Variants in DST observed in about 807,000 individuals in gnomAD.
DST encodes bullous pemphigoid antigen.
A neutral mutation model predicts 875.2 loss-of-function variants in DST; 253 were observed. That is an observed-to-expected ratio of 0.29 (90% CI 0.26 to 0.32). DST has a LOEUF of 0.32. Among genes scored for constraint, DST ranks in the 10% least tolerant of loss-of-function variants. The probability of loss-of-function intolerance (pLI) is 1.00; values close to 1 mark genes in which losing one functional copy is unlikely to be tolerated. For synonymous variants in DST, 3,124 were observed against 3,197.1 expected, an observed-to-expected ratio of 0.98 and a Z score of 0.77; for missense variants, 8,287 against 9,111.6, an observed-to-expected ratio of 0.91 and a Z score of 3.68.
At chr6:56,635,786 T>C (rs937997868) in intron 23 of DST, 72 bp from the exon 24 acceptor site, 2 of 1,526,258 alleles carry the variant, frequency 1.3e-6, no homozygotes, top group Non-Finnish European at 9.0e-7. Context: ...CACACTCCAA[T>C]ACCAAGGTCC....
intron 2 of DST, among the ~76,000 whole-genome samples, chr6:56,936,068 T>C (rs1812865892): frequency 1.3e-5 from 2 of 152,234 alleles, no homozygotes; most frequent in African/African-American, 4.8e-5. Context: ...CTTCAGTATT[T>C]CATGAGTTAT....
At chr6:56,528,151 T>C (rs2096834046) in intron 67 of DST, among the ~76,000 whole-genome samples, 1 of 152,220 alleles carries the variant, frequency 6.6e-6, no homozygotes, top group Non-Finnish European at 1.5e-5. Flanking sequence ...ATCTGCACTA[T>C]TCCAACAGAT....
At chr6:56,617,266 T>C in intron 36 of DST, 1 of 1,612,774 alleles carries the variant, frequency 6.2e-7, no homozygotes, top group South Asian at 1.1e-5. Flanking sequence ...AGGTCTCTGG[T>C]TCTAAGCCCT....
chr6:56,640,102 A>T, intron 18 of DST, 41 bp downstream of exon 18: 1 of 1,613,676 alleles, frequency 6.2e-7, no homozygotes, highest in Non-Finnish European at 8.5e-7. Flanking sequence ...ATTGATAACA[A>T]TAAAGACTGA....
rs945761697 is a variant in DST at position 56,492,290 on chromosome 6, T to C, written c.20694A>G (p.Lys6898=). 6.2e-7 allele frequency: 1 copy of C among 1,613,802 alleles called. No homozygotes were observed. The highest frequency in any genetic ancestry group is 1.7e-5 in the Admixed American group (1 of 60,014). ...LLISVQSRWE[K]VVQRLVERGR... ...CTCTCTCTACCAACCGTTGAACCAC[T>C]TTTTCCCATCGACTTTGTACACTGA... Residue 6898 remains lysine, a synonymous_variant, in exon 85 of 104, where the codon AAA becomes AAG. Coordinates refer to ENST00000680361, the MANE Select transcript of DST (RefSeq NM_001374736.1).
chr6:56,637,984 T>A (rs1474190087), intron 22 of DST, among the ~76,000 whole-genome samples: 2 of 152,144 alleles, frequency 1.3e-5, no homozygotes, highest in Non-Finnish European at 2.9e-5. Context: ...TTTTTTCATA[T>A]AAAATATGAA....
intron 4 of DST, among the ~76,000 whole-genome samples, chr6:56,791,015 A>G (rs2099721301): frequency 6.6e-6 from 1 of 152,238 alleles, no homozygotes; most frequent in South Asian, 2.1e-4. Flanking sequence ...GCAGAGACAC[A>G]TGGAATGAGA....
In DST at chr6:56,604,617, G is replaced by T. The variant is rs764376074; in HGVS notation, c.10011C>A (p.Ser3337=). ...CAGGAATCTGAACCTCCTTTTCTTG[G>T]GATCTTGGAGACAAGGCTTGTTCTT... ...LPKEQALSPR[S]QEKEVQIPEL... The change falls in exon 40 of 104, where the codon TCC becomes TCA. Residue 3337 remains serine (S), a synonymous_variant. Coordinates refer to ENST00000680361, the MANE Select transcript of DST (RefSeq NM_001374736.1). The T allele has an allele frequency of 3.1e-6, 5 of 1,611,778 alleles. No homozygotes were observed. The African/African-American group carries it at 6.7e-5, about 22-fold the overall frequency.
At chr6:56,647,749 G>A (rs1174635770) in intron 13 of DST, among the ~76,000 whole-genome samples, 2 of 150,360 alleles carry the variant, frequency 1.3e-5, no homozygotes, top group Non-Finnish European at 2.9e-5. Context: ...GCAGTGATGC[G>A]ATCTCGGCTT....
chr6:56,639,528 A>G lies in DST; in HGVS notation c.2781T>C (p.Asn927=), dbSNP rs751176092. 3.7e-6 allele frequency: 6 copies of G among 1,613,822 alleles called. No individual in the cohort carries two copies. The East Asian group carries it at 1.3e-4, about 36-fold the overall frequency. The stretch of plus-strand genomic sequence containing the variant: ...AAGCAACTTCCTCCTCTTCTTTTTC[A>G]TTCAACCAAATAAGTTCATTAGTCG... ...SRATNELIWL[N]EKEEEEVAYD... is the part of the protein sequence containing the mutation. Residue 927 remains asparagine, a synonymous_variant, in exon 21 of 104, where the codon AAT becomes AAC. Transcript: ENST00000680361.
At chr6:56,832,779 G>A (rs914737399) in intron 4 of DST, among the ~76,000 whole-genome samples, 6 of 151,780 alleles carry the variant, frequency 4.0e-5, no homozygotes, top group South Asian at 2.1e-4. Flanking sequence ...TGCTCTTATC[G>A]CCCAGGCTGG....
intron 10 of DST, among the ~76,000 whole-genome samples, chr6:56,659,759 T>C (rs2099029266): frequency 6.6e-6 from 1 of 152,192 alleles, no homozygotes; most frequent in Non-Finnish European, 1.5e-5. Context: ...TTGTTGATTG[T>C]TGTTTTATTA....
intron 10 of DST, among the ~76,000 whole-genome samples, chr6:56,651,952 G>A (rs772111275): frequency 1.3e-5 from 2 of 152,166 alleles, no homozygotes; most frequent in African/African-American, 2.4e-5. Context: ...TTATCCTTCT[G>A]CTGTAATAAA....
chr6:56,802,021 A>T (rs1325612770), intron 4 of DST, among the ~76,000 whole-genome samples: 3 of 152,216 alleles, frequency 2.0e-5, no homozygotes, highest in Non-Finnish European at 4.4e-5. Flanking sequence ...AAGTGCTGGG[A>T]TTACAGGCGT....
chr6:56,661,584 C>CT lies in DST; in HGVS notation c.1214+9056dup, dbSNP rs2099042401. ...TAAGCTAACTCAAGACAGCCCCACT[C>CT]TAACAGTTTTTTTTTTTTTGAGGCT... is the stretch of plus-strand genomic sequence containing the variant. On this transcript the variant is annotated intron_variant, in intron 10 of 103. Coordinates refer to ENST00000680361, the MANE Select transcript of DST (RefSeq NM_001374736.1). Among the ~76,000 whole-genome samples, 9 of 147,488 alleles carry CT rather than the reference C, an allele frequency of 6.1e-5. No homozygotes were observed. The South Asian group carries it at 1.9e-3, about 32-fold the overall frequency.
At chr6:56,753,555 G>T (rs1183869581) in intron 4 of DST, among the ~76,000 whole-genome samples, 1 of 152,176 alleles carries the variant, frequency 6.6e-6, no homozygotes, top group Admixed American at 6.5e-5. Flanking sequence ...ATGCACCTAA[G>T]AGAATGCTTA....
intron 77 of DST, 21 bp from the exon 78 acceptor site, chr6:56,504,119 C>G: frequency 2.0e-6 from 3 of 1,537,528 alleles, no homozygotes; most frequent in Non-Finnish European, 1.8e-6. Flanking sequence ...CATTCGCCCA[C>G]GTGTTGTTAC....
chr6:56,545,737 T>C (rs1279751717), intron 61 of DST, among the ~76,000 whole-genome samples: 7 of 152,114 alleles, frequency 4.6e-5, no homozygotes, highest in Non-Finnish European at 8.8e-5. Context: ...GGATTGGAGG[T>C]ATTAAGTTCA....
chr6:56,553,365 T>C lies in DST; in HGVS notation c.15427A>G (p.Ile5143Val). The C allele has an allele frequency of 1.2e-6, 2 of 1,609,082 alleles. No homozygotes were observed. The highest frequency in any genetic ancestry group is 8.5e-7 in the Non-Finnish European group (1 of 1,178,696). The change falls in exon 61 of 104, where the codon ATT becomes GTT. Residue 5143 changes from isoleucine to valine, a missense_variant. Physicochemically the swap from Ile to Val is conservative, Grantham distance 29. Coordinates refer to ENST00000680361, the MANE Select transcript of DST (RefSeq NM_001374736.1). ...TTAAATGTATCCCAATTGGTTTTAA[T>C]TGTATTAAGCTGTAACTGTAAGGCT... ...KAALQLQLNT[I>V]KTNWDTFNKQ... is the part of the protein sequence containing the mutation.
Sources: allele counts gnomAD v4.1 joint callset (sites outside exome capture counted in the v4.1 genomes callset), GRCh38; gene constraint gnomAD v4.1.1; transcripts MANE v1.5; gene names NCBI Gene and HGNC (gene_info 2026-07-23, HGNC 2026-07-21).